Variants in SAMD14 observed in about 807,000 individuals in gnomAD.
SAMD14 encodes the protein sterile alpha motif domain containing 14.
Under a neutral mutation model 46.2 loss-of-function variants are expected in SAMD14, and 27 were observed. The ratio of observed to expected loss-of-function variants is 0.58; its 90% CI spans 0.43 to 0.81. The LOEUF (loss-of-function observed/expected upper bound fraction) is 0.81. Among genes scored for constraint, SAMD14 ranks in the 30% least tolerant of loss-of-function variants. The pLI is 0.00. For synonymous variants in SAMD14, 241 were observed against 254.3 expected, an observed-to-expected ratio of 0.95 and a Z score of 0.50; for missense variants, 559 against 582.2, an observed-to-expected ratio of 0.96 and a Z score of 0.41.
chr17:50,124,473 A>G (rs11079896), intron 2 of SAMD14, among the ~76,000 whole-genome samples: 26,485 of 152,006 alleles, frequency 0.17, 2,455 homozygotes, highest in Middle Eastern at 0.33. Context: ...AGTCACTAAG[A>G]GCAGGAAGTC....
At chr17:50,124,807 A>ACACT (rs1567723184) in intron 2 of SAMD14, 110 bp downstream of exon 2, 8 of 1,012,656 alleles carry the variant, frequency 7.9e-6, no homozygotes, top group African/African-American at 6.4e-5. Flanking sequence ...ACACACACAC[A>ACACT]CTCTGAAGCT....
In SAMD14 at chr17:50,112,866, C is replaced by G. The variant is rs757629969; in HGVS notation, c.*27G>C. On this transcript the variant is annotated 3_prime_UTR_variant, in exon 10 of 10. Transcript: ENST00000330175. ...CCGCGGAGCCAGTGGCTGCCCCTGC[C>G]GGGTGCCAGCGCCTGTGCACCCTCC... is the stretch of plus-strand genomic sequence containing the variant. 7.6e-6 allele frequency: 12 copies of G among 1,587,524 alleles called. No individual in the cohort carries two copies. Among genetic ancestry groups the G allele is most frequent in the Non-Finnish European group, 1.0e-5 (12 of 1,172,756 alleles).
chr17:50,127,852 C>T (rs1911850283), intron 1 of SAMD14, among the ~76,000 whole-genome samples: 1 of 152,184 alleles, frequency 6.6e-6, no homozygotes. Flanking sequence ...CCTTATCTGG[C>T]TAGGACCCAG....
Position 50,129,939 on chromosome 17 carries a change from T to G in SAMD14, c.-435A>C, listed in dbSNP as rs1040856502. 2 of 150,368 alleles carry G rather than the reference T, an allele frequency of 1.3e-5. No homozygotes were observed. The highest frequency in any genetic ancestry group is 4.0e-4 in the East Asian group (2 of 4,958). The allele number at this position is 150,368 out of a possible 1,614,324, so 9.3% of individuals were successfully genotyped here. ...CCTGGCCGGACGCGGGGCCCCCGCC[T>G]GGCAGGGCCGATTCGCGCGGCGTCG... On this transcript the variant is annotated 5_prime_UTR_variant, in exon 1 of 10. Coordinates refer to ENST00000330175, the MANE Select transcript of SAMD14 (RefSeq NM_001257359.2). This position sits in a 1 kb window ranked among gnomAD's most constrained non-coding sequence, Gnocchi z 5.6.
intron 9 of SAMD14, chr17:50,113,703 A>G: frequency 1.7e-6 from 1 of 581,132 alleles, no homozygotes; most frequent in South Asian, 2.0e-5. Context: ...GAAGTCATGG[A>G]CTAGAGTTTC....
chr17:50,113,424 G>A (rs1910981312), intron 9 of SAMD14: 1 of 257,554 alleles, frequency 3.9e-6, no homozygotes, highest in African/African-American at 2.2e-5. Context: ...GACTTCCTGG[G>A]GGCTCTTTTC....
intron 2 of SAMD14, among the ~76,000 whole-genome samples, chr17:50,118,624 T>G (rs1048104813): frequency 6.6e-6 from 1 of 152,076 alleles, no homozygotes; most frequent in African/African-American, 2.4e-5. Context: ...ACACCAAAGC[T>G]GGGTTTTAAC....
At chr17:50,118,355 C>A (rs1911347271) in intron 2 of SAMD14, 28 bp from the exon 3 acceptor site, 1 of 1,606,386 alleles carries the variant, frequency 6.2e-7, no homozygotes. Context: ...GGAGCAGAGA[C>A]CAGACACATG....
At chr17:50,121,208 C>T (rs1001842865) in intron 2 of SAMD14, among the ~76,000 whole-genome samples, 1 of 151,252 alleles carries the variant, frequency 6.6e-6, no homozygotes, top group Non-Finnish European at 1.5e-5. Context: ...CCACCTCCCA[C>T]CCCCTGCCAC....
chr17:50,111,913 G>C lies in SAMD14; in HGVS notation c.*980C>G, dbSNP rs889378250. The C allele has an allele frequency of 1.3e-4, 20 of 152,100 alleles. No individual in the cohort carries two copies. Among genetic ancestry groups the C allele is most frequent in the African/African-American group, 4.8e-4 (20 of 41,394 alleles). 9.4% of individuals were successfully genotyped at this position (152,100 alleles called of 1,614,324 possible). ...TCCCTGACAATGCCTGGGGCAGATGGGGGAGGGCTGATGAACCTTTCCAAT... is the reference window on the plus strand; with the variant it reads ...TCCCTGACAATGCCTGGGGCAGATGCGGGAGGGCTGATGAACCTTTCCAAT... On this transcript the variant is annotated 3_prime_UTR_variant, in exon 10 of 10. Transcript: ENST00000330175.
intron 9 of SAMD14, chr17:50,113,373 G>C: frequency 3.0e-6 from 1 of 332,974 alleles, no homozygotes; most frequent in South Asian, 3.8e-5. Flanking sequence ...ACTTGCCCAA[G>C]GTCACACAGT....
rs973331082 is a variant in SAMD14 at position 50,115,958 on chromosome 17, C to A, written c.587+45G>T. 1 of 1,613,566 alleles carries A rather than the reference C, an allele frequency of 6.2e-7. No individual in the cohort carries two copies. Among genetic ancestry groups the A allele is most frequent in the Non-Finnish European group, 8.5e-7 (1 of 1,179,756 alleles). Reference sequence around the variant, plus strand: ...GGGCTGCCCACTGTGCTACCCCTTACCCCAGCAGCTCCAAGCCCTGCGATC... The same window carrying A: ...GGGCTGCCCACTGTGCTACCCCTTAACCCAGCAGCTCCAAGCCCTGCGATC... On this transcript the variant is annotated intron_variant, in intron 5 of 9. Coordinates refer to ENST00000330175, the MANE Select transcript of SAMD14 (RefSeq NM_001257359.2). This position sits in a 1 kb window ranked among gnomAD's most constrained non-coding sequence, Gnocchi z 5.3.
intron 1 of SAMD14, chr17:50,125,215 G>T: frequency 2.0e-6 from 1 of 497,256 alleles, no homozygotes; most frequent in East Asian, 3.6e-5. Flanking sequence ...ACAGACACAG[G>T]CTGAGCCCTG....
chr17:50,128,539 A>G (rs1186461911), intron 1 of SAMD14, among the ~76,000 whole-genome samples: 1 of 151,256 alleles, frequency 6.6e-6, no homozygotes, highest in African/African-American at 2.4e-5. Context: ...TAACTGCACA[A>G]GGGTGGGATT....
At position 50,118,246 on chromosome 17, in the gene SAMD14, C is replaced by T. The variant is rs200210474; in HGVS notation, c.125G>A (p.Arg42Gln). 403 of 1,613,892 alleles carry T rather than the reference C, an allele frequency of 2.5e-4. No individual in the cohort carries two copies. Among genetic ancestry groups the T allele is most frequent in the Non-Finnish European group, 2.9e-4 (347 of 1,179,942 alleles). The change falls in exon 3 of 10, where the codon CGG (arginine) becomes CAG (glutamine). Residue 42 changes from arginine to glutamine, a missense_variant. Physicochemically the swap from Arg to Gln is conservative, Grantham distance 43. Coordinates refer to ENST00000330175, the MANE Select transcript of SAMD14 (RefSeq NM_001257359.2). The stretch of plus-strand genomic sequence containing the variant: ...CCTGGAGCGGGATGGCCGGTGTCTC[C>T]GGCCCTTGGCCAACAGTTGGGCCCG... Reference protein sequence around the residue: ...KARAQLLAKGRRHRPSRSRLR... With the variant: ...KARAQLLAKGQRHRPSRSRLR...
chr17:50,128,480 T>TCA (rs1407906525), intron 1 of SAMD14, among the ~76,000 whole-genome samples: 15 of 88,796 alleles, frequency 1.7e-4, no homozygotes, highest in African/African-American at 5.8e-4. Flanking sequence ...CCGCACACTC[T>TCA]CTCACACACA....
Position 50,115,680 on chromosome 17 carries a change from G to T in SAMD14, c.706C>A (p.Leu236Met), listed in dbSNP as rs569464230. The change falls in exon 7 of 10, where the codon CTG becomes ATG. Residue 236 changes from leucine to methionine, a missense_variant. Transcript: ENST00000330175. This position sits in a 1 kb window ranked among gnomAD's most constrained non-coding sequence, Gnocchi z 5.3. ...CTGTCCGTGAACCAGGAAAAAGGCA[G>T]GAACGGGGAGCCCCCTGACCTGCCG... ...GSGRSGGSPFLPFSWFTDSGK... is the reference protein window; with the variant it reads ...GSGRSGGSPFMPFSWFTDSGK... 1 of 1,607,634 alleles carries T rather than the reference G, an allele frequency of 6.2e-7. No homozygotes were observed. Among genetic ancestry groups the T allele is most frequent in the East Asian group, 2.2e-5 (1 of 44,770 alleles).
In SAMD14 at chr17:50,115,967, C is replaced by T; in HGVS notation, c.587+36G>A. 2 of 1,613,708 alleles carry T rather than the reference C, an allele frequency of 1.2e-6. No homozygotes were observed. The highest frequency in any genetic ancestry group is 1.7e-6 in the Non-Finnish European group (2 of 1,179,782). ...ACTGTGCTACCCCTTACCCCAGCAG[C>T]TCCAAGCCCTGCGATCTAGCCCCGC... is the stretch of plus-strand genomic sequence containing the variant. On this transcript the variant is annotated intron_variant, in intron 5 of 9. Transcript: ENST00000330175. The surrounding 1 kb of genome is among the most constrained non-coding windows in gnomAD (Gnocchi z 5.3).
chr17:50,110,068 A>G lies in SAMD14; in HGVS notation c.*2825T>C. The G allele has an allele frequency of 6.2e-7, 1 of 1,611,150 alleles. No homozygotes were observed. The highest frequency in any genetic ancestry group is 8.5e-7 in the Non-Finnish European group (1 of 1,178,694). On this transcript the variant is annotated 3_prime_UTR_variant, in exon 10 of 10. Coordinates refer to ENST00000330175, the MANE Select transcript of SAMD14 (RefSeq NM_001257359.2). ...CTGGTGTGTGCCCAGCACGGAGCCCAAGAACACGTCCACGTACCGCGTCAG... is the reference window on the plus strand; with the variant it reads ...CTGGTGTGTGCCCAGCACGGAGCCCGAGAACACGTCCACGTACCGCGTCAG...
Sources: gnomAD v4.1 joint callset for allele counts (sites outside exome capture counted in the v4.1 genomes callset) on GRCh38, gnomAD v4.1.1 for gene constraint, Gnocchi (gnomAD v3.1) non-coding constraint, MANE v1.5 for transcripts, NCBI Gene and HGNC (gene_info 2026-07-23, HGNC 2026-07-21) for gene names.